Variants in R3HDM2 observed in about 807,000 individuals in gnomAD.
R3HDM2 encodes the protein R3H domain containing 2, also known as R3H domain-containing protein 2.
In R3HDM2, 38 loss-of-function variants were observed where a neutral mutation model predicts 124.5. The ratio of observed to expected loss-of-function variants is 0.31; its 90% CI spans 0.24 to 0.40. The LOEUF (loss-of-function observed/expected upper bound fraction) is 0.40. R3HDM2 is among the 10% of genes least tolerant of loss of function. The pLI is 1.00. For missense variants in R3HDM2, 869 were observed against 1,236.9 expected, an observed-to-expected ratio of 0.70 and a Z score of 4.46; for synonymous variants, 391 against 448.0, an observed-to-expected ratio of 0.87 and a Z score of 1.61.
Position 57,306,053 on chromosome 12 carries a change from TGGA to T in R3HDM2, c.166-2839_166-2837del, listed in dbSNP as rs559333131. On this transcript the variant is annotated intron_variant, in intron 3 of 23. Transcript: ENST00000402412. ...GACAGATGTTGGTAGGGGTAGGAGT[TGGA>T]GGAGGTCAGGATAAGAATATTAAGG... is the stretch of plus-strand genomic sequence containing the variant. Among the ~76,000 whole-genome samples, 12 of 152,302 alleles carry T rather than the reference TGGA, an allele frequency of 7.9e-5. No individual in the cohort carries two copies. In the East Asian group the frequency reaches 2.3e-3, roughly 29 times the overall value.
rs1592269390 is a variant in R3HDM2 at position 57,254,733 on chromosome 12, C to T, written c.*40G>A. On this transcript the variant is annotated 3_prime_UTR_variant, in exon 24 of 24. Transcript: ENST00000402412. Reference sequence around the variant, plus strand: ...GGATCCTTCAACCCCCTCCACCCTGCCCTTGCTCCTTCTGTGACAGTCCCT... The same window carrying T: ...GGATCCTTCAACCCCCTCCACCCTGTCCTTGCTCCTTCTGTGACAGTCCCT... 1.4e-6 allele frequency: 2 copies of T among 1,454,060 alleles called. No homozygotes were observed. The highest frequency in any genetic ancestry group is 1.9e-6 in the Non-Finnish European group (2 of 1,065,734). The allele number at this position is 1,454,060 out of a possible 1,614,324, so 90.1% of individuals were successfully genotyped here. A position where few individuals can be genotyped will look rare whatever the true frequency, so the allele number is the denominator to read the frequency against.
At chr12:57,300,990 G>A (rs1413068407) in intron 4 of R3HDM2, among the ~76,000 whole-genome samples, 1 of 152,078 alleles carries the variant, frequency 6.6e-6, no homozygotes, top group Non-Finnish European at 1.5e-5. Flanking sequence ...TGTGGTCCCA[G>A]CTACTTGGGA....
chr12:57,396,314 G>A (rs1168081357), intron 1 of R3HDM2, among the ~76,000 whole-genome samples: 2 of 151,978 alleles, frequency 1.3e-5, no homozygotes, highest in Non-Finnish European at 2.9e-5. Context: ...GGTGGCATGT[G>A]CCTGTAATCC....
chr12:57,424,220 G>A (rs1033480986), intron 1 of R3HDM2, among the ~76,000 whole-genome samples: 3 of 151,004 alleles, frequency 2.0e-5, no homozygotes, highest in African/African-American at 4.9e-5. Flanking sequence ...GTACAGTGGC[G>A]TGATCTCAAT....
At position 57,284,061 on chromosome 12, in the gene R3HDM2, A is replaced by G; in HGVS notation, c.939-5T>C. 4.4e-6 allele frequency: 7 copies of G among 1,586,024 alleles called. No homozygotes were observed. The highest frequency in any genetic ancestry group is 6.0e-6 in the Non-Finnish European group (7 of 1,166,280). On this transcript the variant is annotated splice_polypyrimidine_tract_variant and splice_region_variant and intron_variant, in intron 12 of 23. Transcript: ENST00000402412. ...CTCAGTCCTTCACGGTTCCCCCTGC[A>G]GAGACCATAGTGGTCAGAGCACCTC...
chr12:57,390,360 T>C (rs943895038), intron 2 of R3HDM2, among the ~76,000 whole-genome samples: 1 of 151,912 alleles, frequency 6.6e-6, no homozygotes, highest in African/African-American at 2.4e-5. Context: ...AAGGAGAGTC[T>C]AAGGGGAACA....
chr12:57,409,111 T>TAG (rs2068783477), intron 1 of R3HDM2, among the ~76,000 whole-genome samples: 1 of 152,116 alleles, frequency 6.6e-6, no homozygotes. Flanking sequence ...TAAGGTTCTT[T>TAG]AACACACACA....
At chr12:57,261,757 C>CAAAAA (rs35440132) in intron 19 of R3HDM2, among the ~76,000 whole-genome samples, 20 of 81,990 alleles carry the variant, frequency 2.4e-4, no homozygotes, top group Non-Finnish European at 4.2e-4. Flanking sequence ...ATAGACGTGG[C>CAAAAA]AAAAAAAAAA....
At chr12:57,413,845 CCCTT>C (rs941141069) in intron 1 of R3HDM2, among the ~76,000 whole-genome samples, 3 of 121,262 alleles carry the variant, frequency 2.5e-5, no homozygotes, top group Non-Finnish European at 3.3e-5. Flanking sequence ...GTAATCCCCC[CCCTT>C]TTTTTTTTTT....
chr12:57,320,036 G>C (rs947488913), intron 2 of R3HDM2, among the ~76,000 whole-genome samples: 12 of 151,864 alleles, frequency 7.9e-5, no homozygotes, highest in African/African-American at 2.9e-4. Flanking sequence ...GAGGCGGGCG[G>C]ATCACTGAGG....
At chr12:57,370,787 T>C (rs955495443) in intron 2 of R3HDM2, among the ~76,000 whole-genome samples, 1 of 152,150 alleles carries the variant, frequency 6.6e-6, no homozygotes, top group African/African-American at 2.4e-5. Flanking sequence ...ATAGTAAATT[T>C]AGTCTAGTTT....
intron 2 of R3HDM2, among the ~76,000 whole-genome samples, chr12:57,350,992 A>G (rs193218811): frequency 3.9e-5 from 6 of 152,268 alleles, no homozygotes; most frequent in African/African-American, 1.2e-4. Context: ...CCAGCTACTC[A>G]GGAGGCTGAG....
intron 1 of R3HDM2, among the ~76,000 whole-genome samples, chr12:57,422,011 T>C (rs977699674): frequency 1.3e-5 from 2 of 148,986 alleles, no homozygotes; most frequent in African/African-American, 5.0e-5. Flanking sequence ...GAGAATCGCT[T>C]GAACCCGGGA....
At chr12:57,263,570 G>A (rs2041446051) in intron 19 of R3HDM2, among the ~76,000 whole-genome samples, 1 of 152,146 alleles carries the variant, frequency 6.6e-6, no homozygotes, top group Admixed American at 6.5e-5. Context: ...CTGGGTTCAA[G>A]CAATTCTCAT....
intron 2 of R3HDM2, among the ~76,000 whole-genome samples, chr12:57,385,529 A>C (rs1027278337): frequency 1.3e-5 from 2 of 152,016 alleles, no homozygotes; most frequent in African/African-American, 4.8e-5. Flanking sequence ...GGCATGAGCC[A>C]CCATGCCTGG....
At chr12:57,264,497 G>T (rs930028190) in intron 19 of R3HDM2, among the ~76,000 whole-genome samples, 17 of 151,544 alleles carry the variant, frequency 1.1e-4, no homozygotes, top group African/African-American at 4.1e-4. Context: ...GCTTGAACCT[G>T]GGAGGTGGAG....
intron 14 of R3HDM2, among the ~76,000 whole-genome samples, chr12:57,275,863 T>C (rs1222326355): frequency 6.6e-6 from 1 of 152,168 alleles, no homozygotes; most frequent in African/African-American, 2.4e-5. Context: ...ACTTCTACAC[T>C]GCTGGTGGGA....
chr12:57,400,759 C>G (rs2067976669), intron 1 of R3HDM2, among the ~76,000 whole-genome samples: 1 of 151,920 alleles, frequency 6.6e-6, no homozygotes, highest in Non-Finnish European at 1.5e-5. Flanking sequence ...AACTAACAAG[C>G]CATAAAGGGC....
chr12:57,421,221 G>A (rs1056658511), intron 1 of R3HDM2, among the ~76,000 whole-genome samples: 2 of 138,494 alleles, frequency 1.4e-5, no homozygotes, highest in African/African-American at 5.5e-5. Flanking sequence ...CTGGTGTCTC[G>A]GCTCACAGCA....
Sources: allele counts gnomAD v4.1 joint callset (sites outside exome capture counted in the v4.1 genomes callset), GRCh38; gene constraint gnomAD v4.1.1; transcripts MANE v1.5; gene names NCBI Gene and HGNC (gene_info 2026-07-23, HGNC 2026-07-21).